The following UIMC1 variants were observed in gnomAD, a reference collection of about 807,000 sequenced individuals.
UIMC1 encodes the protein ubiquitin interaction motif containing 1.
In UIMC1, 42 loss-of-function variants were observed where a neutral mutation model predicts 84.9. The ratio of observed to expected loss-of-function variants is 0.49; its 90% CI spans 0.39 to 0.64. UIMC1 has a LOEUF of 0.64. Among genes scored for constraint, UIMC1 ranks in the 30% least tolerant of loss-of-function variants. The probability of loss-of-function intolerance (pLI) is 0.00; values close to 1 mark genes in which losing one functional copy is unlikely to be tolerated. For missense variants in UIMC1, 825 were observed against 847.6 expected, an observed-to-expected ratio of 0.97 and a Z score of 0.33; for synonymous variants, 281 against 293.0, an observed-to-expected ratio of 0.96 and a Z score of 0.42.
At chr5:177,008,312 C>A (rs1352281469), upstream of UIMC1, among the ~76,000 whole-genome samples, 1 of 152,162 alleles carries the variant, frequency 6.6e-6, no homozygotes, top group African/African-American at 2.4e-5. Context: ...TCCACTGCTT[C>A]CTTGAACCTC....
intron 11 of UIMC1, among the ~76,000 whole-genome samples, 188 bp downstream of exon 11, chr5:176,911,108 GAGAGAAGAAAAGAAA>G (rs1760100354): frequency 9.0e-6 from 1 of 111,326 alleles, no homozygotes; most frequent in African/African-American, 3.4e-5. Context: ...AAAAGAGAGA[GAGAGAAGAAAAGAAA>G]AGAAAAGAAA....
At chr5:176,954,710 T>A (rs1298856208) in intron 8 of UIMC1, among the ~76,000 whole-genome samples, 1 of 147,968 alleles carries the variant, frequency 6.8e-6, no homozygotes, top group African/African-American at 2.5e-5. Flanking sequence ...GAGCCATGAC[T>A]GCGCCACTGC....
chr5:176,905,916 A>C (rs958075560), intron 14 of UIMC1, 95 bp downstream of exon 14: 2 of 1,318,588 alleles, frequency 1.5e-6, no homozygotes, highest in Non-Finnish European at 2.2e-6. Flanking sequence ...TTCTACTGCA[A>C]CAGTCTGAGT....
chr5:176,935,312 C>T (rs560421456), intron 10 of UIMC1, among the ~76,000 whole-genome samples: 3 of 152,080 alleles, frequency 2.0e-5, no homozygotes, highest in Non-Finnish European at 4.4e-5. Context: ...TTTAGCCTAC[C>T]GTTCTCTTAC....
chr5:176,977,408 G>A (rs771047087), intron 2 of UIMC1, among the ~76,000 whole-genome samples: 12 of 151,482 alleles, frequency 7.9e-5, no homozygotes, highest in Non-Finnish European at 1.6e-4. Flanking sequence ...TATCCAAAAC[G>A]TGCGTTCTTC....
intron 2 of UIMC1, 130 bp from the exon 3 acceptor site, chr5:176,975,610 C>G: frequency 1.3e-6 from 1 of 789,854 alleles, no homozygotes; most frequent in Non-Finnish European, 2.0e-6. Flanking sequence ...GCACATAAAA[C>G]ATTAGAAGAT....
chr5:176,920,621 T>C (rs1761588675), intron 10 of UIMC1, among the ~76,000 whole-genome samples: 1 of 152,208 alleles, frequency 6.6e-6, no homozygotes, highest in Non-Finnish European at 1.5e-5. Flanking sequence ...TCATTTTCTA[T>C]ATTGACCTTG....
chr5:176,959,437 C>T (rs1045514478), intron 6 of UIMC1, among the ~76,000 whole-genome samples: 4 of 152,172 alleles, frequency 2.6e-5, no homozygotes, highest in Non-Finnish European at 5.9e-5. Flanking sequence ...AAATTATTGG[C>T]CGGGCGCGGT....
At chr5:176,953,761 G>A (rs886111900) in intron 8 of UIMC1, among the ~76,000 whole-genome samples, 1 of 152,094 alleles carries the variant, frequency 6.6e-6, no homozygotes, top group Non-Finnish European at 1.5e-5. Context: ...CAAAATGTAG[G>A]CATAAGGCTA....
At chr5:176,992,709 A>T (rs1393335824) in intron 1 of UIMC1, among the ~76,000 whole-genome samples, 2 of 151,898 alleles carry the variant, frequency 1.3e-5, no homozygotes, top group African/African-American at 4.8e-5. Context: ...AGAAGGCTGA[A>T]GTGGAAGAAT....
At chr5:176,999,940 C>A (rs566704268) in intron 1 of UIMC1, among the ~76,000 whole-genome samples, 1 of 152,086 alleles carries the variant, frequency 6.6e-6, no homozygotes, top group Non-Finnish European at 1.5e-5. Flanking sequence ...CTGGATCATA[C>A]GATAGCTCTA....
intron 1 of UIMC1, among the ~76,000 whole-genome samples, chr5:176,986,261 G>A (rs1771968882): frequency 6.7e-6 from 1 of 148,462 alleles, no homozygotes; most frequent in South Asian, 2.1e-4. Flanking sequence ...TCCAGAAGCT[G>A]AGGCAGGAGA....
chr5:176,955,635 CTGAA>C (rs1766499641), intron 8 of UIMC1, among the ~76,000 whole-genome samples: 1 of 152,112 alleles, frequency 6.6e-6, no homozygotes, highest in Non-Finnish European at 1.5e-5. Context: ...ACAAAAGGCT[CTGAA>C]TGTACAGTTA....
chr5:176,926,047 C>G (rs567086221), intron 10 of UIMC1, among the ~76,000 whole-genome samples: 12 of 152,172 alleles, frequency 7.9e-5, no homozygotes, highest in African/African-American at 2.6e-4. Context: ...TTAATGGAAT[C>G]TAAGTAATAA....
chr5:176,966,997 T>C (rs1340938030), intron 6 of UIMC1, among the ~76,000 whole-genome samples: 2 of 152,224 alleles, frequency 1.3e-5, no homozygotes, highest in Admixed American at 1.3e-4. Context: ...ACGCCATTTT[T>C]CATCTCTCAG....
chr5:176,947,471 AT>A (rs977074326), intron 9 of UIMC1, among the ~76,000 whole-genome samples: 2 of 152,114 alleles, frequency 1.3e-5, no homozygotes, highest in African/African-American at 4.8e-5. Context: ...CATTAGGTGT[AT>A]CTCCTAATGC....
intron 10 of UIMC1, among the ~76,000 whole-genome samples, chr5:176,941,862 A>T (rs1764479146): frequency 6.7e-6 from 1 of 149,526 alleles, no homozygotes; most frequent in African/African-American, 2.5e-5. Context: ...TTTTTTTTTG[A>T]GATGAAGTTT....
intron 1 of UIMC1, among the ~76,000 whole-genome samples, chr5:176,994,002 C>CTT (rs1305212405): frequency 1.4e-5 from 2 of 145,622 alleles, no homozygotes; most frequent in African/African-American, 5.1e-5. Flanking sequence ...GAGTGAAACT[C>CTT]TATCTCAAAA....
intron 1 of UIMC1, chr5:177,001,405 G>T (rs1393420588): frequency 6.6e-6 from 1 of 152,088 alleles, no homozygotes; most frequent in East Asian, 1.9e-4. Context: ...ATCTAAATAA[G>T]TAGAGACATA....
Sources: allele counts gnomAD v4.1 joint callset (sites outside exome capture counted in the v4.1 genomes callset), GRCh38; gene constraint gnomAD v4.1.1; transcripts MANE v1.5; gene names NCBI Gene and HGNC (gene_info 2026-07-23, HGNC 2026-07-21).